Variants in CFHR2 observed in about 807,000 individuals in gnomAD.
CFHR2 encodes the protein complement factor H related 2, also known as complement factor H-related protein 2.
CFHR2 carries 22 observed loss-of-function variants against 21.7 expected under a neutral mutation model. That is an observed-to-expected ratio of 1.01 (90% CI 0.72 to 1.45). The LOEUF (loss-of-function observed/expected upper bound fraction) is 1.45. CFHR2 is among the 40% of genes most tolerant of loss of function. The pLI, the probability that CFHR2 is intolerant of heterozygous loss-of-function variation, is 0.00. For missense variants in CFHR2, 294 were observed against 293.3 expected, an observed-to-expected ratio of 1.00 and a Z score of -0.02; for synonymous variants, 98 against 97.4, an observed-to-expected ratio of 1.01 and a Z score of -0.04.
chr1:196,959,227 T>A lies in CFHR2; in HGVS notation c.*147T>A. The A allele has an allele frequency of 1.6e-6, 1 of 624,652 alleles. No individual in the cohort carries two copies. The highest frequency in any genetic ancestry group is 2.9e-5 in the East Asian group (1 of 35,066). 38.7% of individuals were successfully genotyped at this position (624,652 alleles called of 1,614,324 possible). ...TTGATTTGTGAAAATGCAATTACAATCTGAGATGTGTCACAATGGTGAGGA... is the reference window on the plus strand; with the variant it reads ...TTGATTTGTGAAAATGCAATTACAAACTGAGATGTGTCACAATGGTGAGGA... On this transcript the variant is annotated 3_prime_UTR_variant, in exon 5 of 5. Coordinates refer to ENST00000367415, the MANE Select transcript of CFHR2 (RefSeq NM_005666.4).
At chr1:196,950,505 A>T (rs1462574938) in intron 2 of CFHR2, among the ~76,000 whole-genome samples, 2 of 152,014 alleles carry the variant, frequency 1.3e-5, no homozygotes, top group Non-Finnish European at 1.5e-5. Context: ...ACAGAGTCTC[A>T]TTCTGTCACC....
chr1:196,951,554 T>C (rs1312076004), intron 3 of CFHR2, among the ~76,000 whole-genome samples: 1 of 152,168 alleles, frequency 6.6e-6, no homozygotes, highest in Non-Finnish European at 1.5e-5. Context: ...GTGGTATAAA[T>C]GATGGCACCT....
At chr1:196,944,360 A>C (rs1476998839) in intron 1 of CFHR2, among the ~76,000 whole-genome samples, 1 of 151,854 alleles carries the variant, frequency 6.6e-6, no homozygotes, top group Non-Finnish European at 1.5e-5. Flanking sequence ...TTTAAAGGTC[A>C]TTAAAATGGA....
intron 1 of CFHR2, among the ~76,000 whole-genome samples, chr1:196,945,977 G>A (rs1216227496): frequency 6.6e-6 from 1 of 151,768 alleles, no homozygotes; most frequent in African/African-American, 2.4e-5. Flanking sequence ...CTGCAAACCT[G>A]TACAGCATGT....
chr1:196,944,651 T>C (rs1571478216), intron 1 of CFHR2, among the ~76,000 whole-genome samples: 1 of 152,000 alleles, frequency 6.6e-6, no homozygotes, highest in East Asian at 1.9e-4. Flanking sequence ...AGGATACTAA[T>C]TAAACTATGT....
At chr1:196,949,351 A>G in intron 1 of CFHR2, 104 bp from the exon 2 acceptor site, 1 of 1,145,470 alleles carries the variant, frequency 8.7e-7, no homozygotes, top group Non-Finnish European at 1.2e-6. Context: ...AAGGCATTTA[A>G]GCTAAATGAA....
chr1:196,946,438 T>C (rs1384442207), intron 1 of CFHR2, among the ~76,000 whole-genome samples: 1 of 152,178 alleles, frequency 6.6e-6, no homozygotes, highest in Non-Finnish European at 1.5e-5. Flanking sequence ...AACTTTAATT[T>C]TTATGTCTTT....
chr1:196,946,617 G>C (rs1345520156), intron 1 of CFHR2, among the ~76,000 whole-genome samples: 1 of 152,106 alleles, frequency 6.6e-6, no homozygotes, highest in Non-Finnish European at 1.5e-5. Flanking sequence ...AGCCTACAAA[G>C]GGTTAGGATC....
intron 2 of CFHR2, among the ~76,000 whole-genome samples, chr1:196,949,886 A>T (rs1319233892): frequency 1.3e-5 from 2 of 152,234 alleles, no homozygotes; most frequent in East Asian, 1.9e-4. Context: ...CAATTTTTTT[A>T]AACTGATGAT....
intron 3 of CFHR2, among the ~76,000 whole-genome samples, chr1:196,957,645 A>T (rs531551197): frequency 6.6e-6 from 1 of 152,266 alleles, no homozygotes; most frequent in East Asian, 1.9e-4. Context: ...ATTTAGAAAA[A>T]CATTTCTTAA....
In CFHR2 at chr1:196,957,929, A is replaced by G. The variant is rs150731893; in HGVS notation, c.469A>G (p.Asn157Asp). 1 of 1,613,354 alleles carries G rather than the reference A, an allele frequency of 6.2e-7. No homozygotes were observed. The highest frequency in any genetic ancestry group is 8.5e-7 in the Non-Finnish European group (1 of 1,179,480). The change falls in exon 4 of 5, where the codon AAT becomes GAT. Residue 157 changes from asparagine (N) to aspartate (D), a missense_variant. Physicochemically the swap from Asn to Asp is conservative, Grantham distance 23 (BLOSUM62 1). Transcript: ENST00000367415. Reference sequence around the variant, plus strand: ...ATGTGGGCCCCCTCCACCTATTGACAATGGAGACATTACTTCATTCCTGTT... The same window carrying G: ...ATGTGGGCCCCCTCCACCTATTGACGATGGAGACATTACTTCATTCCTGTT... ...EKCGPPPPID[N>D]GDITSFLLSV...
chr1:196,957,789 C>A, intron 3 of CFHR2, 102 bp from the exon 4 acceptor site: 1 of 1,014,868 alleles, frequency 9.9e-7, no homozygotes, highest in Non-Finnish European at 1.5e-6. Context: ...CAGCACAAAT[C>A]ACAAAAGCCC....
chr1:196,952,408 CA>C (rs111351264), intron 3 of CFHR2, among the ~76,000 whole-genome samples: 35 of 150,740 alleles, frequency 2.3e-4, no homozygotes, highest in Admixed American at 1.3e-3. Flanking sequence ...TTGCAAAAAA[CA>C]AAAAAAAAGA....
chr1:196,955,158 A>T (rs76886884), intron 3 of CFHR2, among the ~76,000 whole-genome samples: 1 of 151,970 alleles, frequency 6.6e-6, no homozygotes, highest in Admixed American at 6.6e-5. Context: ...ACCCTAAATC[A>T]TCTCTCTCAA....
At chr1:196,947,891 G>C (rs1659571883) in intron 1 of CFHR2, among the ~76,000 whole-genome samples, 1 of 152,084 alleles carries the variant, frequency 6.6e-6, no homozygotes, top group East Asian at 1.9e-4. Flanking sequence ...CGGTGAGGGA[G>C]GTTATGCATG....
Position 196,945,992 on chromosome 1 carries a change from G to A in CFHR2, c.58+2054G>A, listed in dbSNP as rs533143908. Among the ~76,000 whole-genome samples, 5 of 151,914 alleles carry A rather than the reference G, an allele frequency of 3.3e-5. No individual in the cohort carries two copies. In the South Asian group the frequency reaches 8.3e-4, roughly 25 times the overall value. ...CTGCAAACCTGTACAGCATGTTACT[G>A]TACTGAATACTGTGGGCAACTGTAG... On this transcript the variant is annotated intron_variant, in intron 1 of 4. Coordinates refer to ENST00000367415, the MANE Select transcript of CFHR2 (RefSeq NM_005666.4).
intron 3 of CFHR2, among the ~76,000 whole-genome samples, chr1:196,956,617 G>T (rs1179026412): frequency 2.0e-5 from 3 of 152,018 alleles, no homozygotes; most frequent in African/African-American, 7.2e-5. Flanking sequence ...TTATTCATCT[G>T]TCATCTCCCA....
chr1:196,959,211 GA>G lies in CFHR2; in HGVS notation c.*135del. The G allele has an allele frequency of 1.4e-6, 1 of 704,538 alleles. No individual in the cohort carries two copies. The highest frequency in any genetic ancestry group is 2.2e-5 in the South Asian group (1 of 46,358). 43.6% of individuals were successfully genotyped at this position (704,538 alleles called of 1,614,324 possible). On this transcript the variant is annotated 3_prime_UTR_variant, in exon 5 of 5. Coordinates refer to ENST00000367415, the MANE Select transcript of CFHR2 (RefSeq NM_005666.4). ...TAAATAAAGTTTTGTGTTGATTTGT[GA>G]AAATGCAATTACAATCTGAGATGTG...
chr1:196,950,475 T>C (rs181392839), intron 2 of CFHR2, among the ~76,000 whole-genome samples: 176 of 152,260 alleles, frequency 1.2e-3, no homozygotes, highest in Non-Finnish European at 2.0e-3. Context: ...TGTTTTGTTT[T>C]GTTTTGTTTT....
Sources: allele counts gnomAD v4.1 joint callset (sites outside exome capture counted in the v4.1 genomes callset), GRCh38; gene constraint gnomAD v4.1.1; transcripts MANE v1.5; gene names NCBI Gene and HGNC (gene_info 2026-07-23, HGNC 2026-07-21).